Variants in KDR observed in about 807,000 individuals in gnomAD.
The protein encoded by KDR is kinase insert domain receptor.
KDR carries 43 observed loss-of-function variants against 160.9 expected under a neutral mutation model. The observed-to-expected ratio is 0.27, with a 90% CI of 0.21 to 0.34. The LOEUF is 0.34. Among genes scored for constraint, KDR ranks in the 10% least tolerant of loss-of-function variants. The pLI is 1.00. For synonymous variants in KDR, 617 were observed against 600.1 expected (o/e 1.03, Z -0.41); for missense variants, 1,469 against 1,666.4 (o/e 0.88, Z 2.06).
rs963008805 is a variant in KDR, at chr4:55,078,833, G to C, written c.*1108C>G. The C allele has an allele frequency of 4.3e-6, 1 of 233,034 alleles. No homozygotes were observed. The highest frequency in any genetic ancestry group is 8.5e-6 in the Non-Finnish European group (1 of 117,976). The allele number at this position is 233,034 out of a possible 1,614,324, so 14.4% of individuals were successfully genotyped here. ...ATTTGGGCTATAAAATAATTTTGAA[G>C]TCTGGCTAATAATCATTCAGAGAGT... On this transcript the variant is annotated 3_prime_UTR_variant, in exon 30 of 30. Coordinates refer to ENST00000263923, the MANE Select transcript of KDR (RefSeq NM_002253.4).
intron 27 of KDR, among the ~76,000 whole-genome samples, chr4:55,084,022 T>C (rs1232031789): frequency 6.6e-6 from 1 of 152,208 alleles, no homozygotes; most frequent in Non-Finnish European, 1.5e-5. Context: ...AGCCTGACAC[T>C]GTGCCAGAAG....
At chr4:55,095,065 A>G in intron 20 of KDR, 110 bp from the exon 21 acceptor site, 1 of 1,086,654 alleles carries the variant, frequency 9.2e-7, no homozygotes, top group South Asian at 1.4e-5. Context: ...ACTACTAAAA[A>G]GCAGACAAGG....
intron 27 of KDR, among the ~76,000 whole-genome samples, chr4:55,086,015 G>A (rs974275157): frequency 6.6e-6 from 1 of 152,184 alleles, no homozygotes; most frequent in African/African-American, 2.4e-5. Flanking sequence ...ATGGCTTTCT[G>A]ATAAAGGGGG....
chr4:55,122,844 C>G (rs1471701473), intron 1 of KDR: 1 of 152,004 alleles, frequency 6.6e-6, no homozygotes, highest in African/African-American at 2.4e-5. Flanking sequence ...TATCCTACCA[C>G]AGATGGTCTA....
chr4:55,116,629 A>C (rs1009501559), intron 3 of KDR, among the ~76,000 whole-genome samples: 3 of 152,124 alleles, frequency 2.0e-5, no homozygotes, highest in African/African-American at 7.2e-5. Flanking sequence ...AGTCAAAGTG[A>C]AGAAAGAGTT....
At chr4:55,124,744 C>G (rs184855581) in intron 1 of KDR, among the ~76,000 whole-genome samples, 1 of 152,138 alleles carries the variant, frequency 6.6e-6, no homozygotes. Context: ...CAACAACGGG[C>G]CGGGTCCCGC....
rs1256613686 is a variant in KDR at position 55,104,955 on chromosome 4, T to C, written c.1675A>G (p.Met559Val). ...RGPEITLQPD[M>V]QPTEQESVSL... Reference sequence around the variant, plus strand: ...ACGCTCTCCTGCTCAGTGGGCTGCATGTCAGGTTGCAAAGTAATTTCAGGA... The same window carrying C: ...ACGCTCTCCTGCTCAGTGGGCTGCACGTCAGGTTGCAAAGTAATTTCAGGA... The change falls in exon 13 of 30, where the codon ATG becomes GTG. Residue 559 changes from methionine to valine, a missense_variant. Physicochemically the swap from Met to Val is conservative, Grantham distance 21. Transcript: ENST00000263923. The C allele has an allele frequency of 1.9e-6, 3 of 1,613,918 alleles. No homozygotes were observed. Among genetic ancestry groups the C allele is most frequent in the East Asian group, 2.2e-5 (1 of 44,872 alleles).
chr4:55,117,795 T>C (rs190157036), intron 3 of KDR, among the ~76,000 whole-genome samples: 331 of 152,354 alleles, frequency 2.2e-3, no homozygotes, highest in Non-Finnish European at 3.3e-3. Context: ...AACCAAACTA[T>C]GATGCAGCCC....
At chr4:55,083,568 G>A (rs969077208) in intron 27 of KDR, among the ~76,000 whole-genome samples, 15 of 151,884 alleles carry the variant, frequency 9.9e-5, no homozygotes, top group East Asian at 1.9e-4. Context: ...CTTCCCGGCC[G>A]TGTGGCTTTG....
rs1719638727 is a variant in KDR at position 55,078,506 on chromosome 4, A to G, written c.*1435T>C. 4.3e-6 allele frequency: 1 copy of G among 232,436 alleles called. No individual in the cohort carries two copies. Among genetic ancestry groups the G allele is most frequent in the African/African-American group, 2.2e-5 (1 of 45,310 alleles). The allele number at this position is 232,436 out of a possible 1,614,324, so 14.4% of individuals were successfully genotyped here. On this transcript the variant is annotated 3_prime_UTR_variant, in exon 30 of 30. Coordinates refer to ENST00000263923, the MANE Select transcript of KDR (RefSeq NM_002253.4). ...TTCAAGTTTTTCAATGTTCTTTAAT[A>G]AAATGACATCAATTGCTGAAAGCAT...
Position 55,094,955 on chromosome 4 carries a change from T to C in KDR, c.2818A>G (p.Thr940Ala). 6.2e-7 allele frequency: 1 copy of C among 1,613,788 alleles called. No homozygotes were observed. The highest frequency in any genetic ancestry group is 1.7e-4 in the Middle Eastern group (1 of 6,056). The change falls in exon 21 of 30, where the codon ACC (threonine) becomes GCC (alanine). Residue 940 changes from threonine to alanine, a missense_variant and splice_region_variant. This residue lies in a region of KDR where 151 missense variants were observed against 207.2 expected (regional missense o/e 0.73). Coordinates refer to ENST00000263923, the MANE Select transcript of KDR (RefSeq NM_002253.4). ...CCTTGACGGAATCGTGCCCCTTTGG[T>C]CTATAAAAAAGCAAAGGAACAAACA... ...SKRNEFVPYKTKGARFRQGKD... is the reference protein window; with the variant it reads ...SKRNEFVPYKAKGARFRQGKD...
chr4:55,104,289 T>G (rs1720381470), intron 13 of KDR, among the ~76,000 whole-genome samples: 1 of 152,158 alleles, frequency 6.6e-6, no homozygotes, highest in South Asian at 2.1e-4. Flanking sequence ...TTCCTTCATG[T>G]TTACCACTGT....
chr4:55,125,375 G>A lies in KDR; in HGVS notation c.-82C>T. On this transcript the variant is annotated 5_prime_UTR_variant, in exon 1 of 30. Transcript: ENST00000263923. ...GCGCCTGTCTAGAGAAGGAGGCGCG[G>A]AGGTGGAACTCGCGGCACCCCGCAG... 1 of 1,497,144 alleles carries A rather than the reference G, an allele frequency of 6.7e-7. No individual in the cohort carries two copies. The highest frequency in any genetic ancestry group is 9.1e-7 in the Non-Finnish European group (1 of 1,103,916). 92.7% of individuals were successfully genotyped at this position (1,497,144 alleles called of 1,614,324 possible). A position where few individuals can be genotyped will look rare whatever the true frequency, so the allele number is the denominator to read the frequency against.
rs1461632147 is a variant in KDR at position 55,113,419 on chromosome 4, TTTC to T, written c.858_860del (p.Lys287del). The T allele has an allele frequency of 6.2e-7, 1 of 1,614,028 alleles. No homozygotes were observed. The highest frequency in any genetic ancestry group is 8.5e-7 in the Non-Finnish European group (1 of 1,179,954). ...CATCTATAGTTAAGGTGCTCAAAAA[TTTC>T]TTCATCTCACTCCCAGACTGGGTTT... On this transcript the variant is annotated inframe_deletion, in exon 7 of 30. Transcript: ENST00000263923.
chr4:55,111,591 GACC>G (rs1720584373), intron 7 of KDR, among the ~76,000 whole-genome samples: 1 of 152,072 alleles, frequency 6.6e-6, no homozygotes, highest in Admixed American at 6.6e-5. Context: ...CCTCCCAACT[GACC>G]TCCTTATTTC....
At chr4:55,120,352 C>T (rs905646459) in intron 2 of KDR, among the ~76,000 whole-genome samples, 8 of 152,142 alleles carry the variant, frequency 5.3e-5, no homozygotes, top group African/African-American at 1.7e-4. Flanking sequence ...CCATGCCTTT[C>T]GTGTGTGATC....
At chr4:55,113,195 C>CTA (rs1720639728) in intron 7 of KDR, 109 bp downstream of exon 7, 1 of 1,253,510 alleles carries the variant, frequency 8.0e-7, no homozygotes, top group African/African-American at 1.5e-5. Context: ...ACAAGAAAAA[C>CTA]TAGAAACTAT....
At chr4:55,102,150 T>A in intron 14 of KDR, 122 bp from the exon 15 acceptor site, 1 of 1,401,522 alleles carries the variant, frequency 7.1e-7, no homozygotes, top group South Asian at 1.2e-5. Context: ...CTCTGTAGAG[T>A]CACATGGGAT....
chr4:55,107,968 A>G, intron 9 of KDR, 75 bp from the exon 10 acceptor site: 2 of 1,530,288 alleles, frequency 1.3e-6, no homozygotes, highest in Non-Finnish European at 1.8e-6. Context: ...TTAGCAACTA[A>G]AGCTGACTTT....
Sources: gnomAD v4.1 joint callset for allele counts (sites outside exome capture counted in the v4.1 genomes callset) on GRCh38, gnomAD v4.1.1 for gene constraint, gnomAD v4.1.1 regional missense constraint, MANE v1.5 for transcripts, NCBI Gene and HGNC (gene_info 2026-07-23, HGNC 2026-07-21) for gene names.